The following PLCH2 variants were observed in gnomAD, a reference collection of about 807,000 sequenced individuals.
The protein encoded by PLCH2 is phospholipase C eta 2.
A neutral mutation model predicts 134.7 loss-of-function variants in PLCH2; 98 were observed. The observed-to-expected ratio is 0.73, with a 90% CI of 0.62 to 0.86. The LOEUF (loss-of-function observed/expected upper bound fraction) is 0.86, where lower values mean the gene tolerates loss of function less well. PLCH2 is among the 40% of genes least tolerant of loss of function. The pLI, the probability that PLCH2 is intolerant of heterozygous loss-of-function variation, is 0.00. For missense variants in PLCH2, 1,994 were observed against 1,986.6 expected, an observed-to-expected ratio of 1.00 and a Z score of -0.07; for synonymous variants, 974 against 827.5, an observed-to-expected ratio of 1.18 and a Z score of -3.04.
At chr1:2,489,094 T>C in intron 8 of PLCH2, 113 bp from the exon 9 acceptor site, 1 of 967,742 alleles carries the variant, frequency 1.0e-6, no homozygotes, top group South Asian at 1.6e-5. Flanking sequence ...GGGTTCCTGG[T>C]GAAGACCCCT....
At chr1:2,421,807 C>G (rs546402741), upstream of PLCH2, among the ~76,000 whole-genome samples, 4 of 150,756 alleles carry the variant, frequency 2.7e-5, no homozygotes, top group Admixed American at 1.3e-4. Flanking sequence ...AACCCCGTCT[C>G]TACTAAAAAT....
chr1:2,504,158 G>A lies in PLCH2; in HGVS notation c.3196G>A (p.Gly1066Arg), dbSNP rs981617833. ...GCCGTGCAACGGCGAGGGCGCCGGC[G>A]GGGCATACGAGAGGGCCCCCGGCAG... ...PRPCNGEGAGGAYERAPGSQT... is the reference protein window; with the variant it reads ...PRPCNGEGAGRAYERAPGSQT... Residue 1066 changes from glycine (G) to arginine (R), a missense_variant, in exon 22 of 22, where the codon GGG (glycine) becomes AGG (arginine). This residue lies in a region of PLCH2 where 900 missense variants were observed against 752.3 expected (regional missense o/e 1.20). Transcript: ENST00000378486. The A allele has an allele frequency of 1.7e-5, 26 of 1,525,406 alleles. No individual in the cohort carries two copies. In the Admixed American group the frequency reaches 1.8e-4, roughly 11 times the overall value. 94.5% of individuals were successfully genotyped at this position (1,525,406 alleles called of 1,614,324 possible). A position where few individuals can be genotyped will look rare whatever the true frequency, so the allele number is the denominator to read the frequency against.
intron 2 of PLCH2, 56 bp from the exon 3 acceptor site, chr1:2,479,678 G>T: frequency 3.3e-6 from 5 of 1,495,272 alleles, no homozygotes; most frequent in Non-Finnish European, 3.6e-6. Context: ...GGGGCTGCCA[G>T]CAGGGGGACG....
At chr1:2,441,335 C>G (rs1639683594) in intron 2 of PLCH2, among the ~76,000 whole-genome samples, 1 of 152,208 alleles carries the variant, frequency 6.6e-6, no homozygotes, top group Non-Finnish European at 1.5e-5. Flanking sequence ...TCGCATCCGG[C>G]CTGGGTTTGG....
rs552108949 is a variant in PLCH2 at position 2,437,172 on chromosome 1, G to A, written c.115+6543G>A. On this transcript the variant is annotated intron_variant, in intron 2 of 3. Coordinates refer to the PLCH2 transcript ENST00000609981. Reference sequence around the variant, plus strand: ...AGCAGCAAGGCCACAGCAGGTCCCCGGGTCATGGAGGGCTTGGCTGGGAGG... The same window carrying A: ...AGCAGCAAGGCCACAGCAGGTCCCCAGGTCATGGAGGGCTTGGCTGGGAGG... 2.2e-3 allele frequency among the ~76,000 whole-genome samples: 332 copies of A among 152,326 alleles called. 5 individuals carry two copies. The highest frequency in any genetic ancestry group is 7.5e-3 in the African/African-American group (310 of 41,580).
At position 2,491,245 on chromosome 1, in the gene PLCH2, C is replaced by T; in HGVS notation, c.1569C>T (p.Ser523=). ...VENTAKRKLD[S]LIKESKIRDC... ...ACACTGCTAAGAGGAAACTGGATTC[C>T]CTCATCAAAGAGTCGAAGATTCGGG... Residue 523 remains serine (S), a synonymous_variant, in exon 11 of 22, where the codon TCC becomes TCT. Transcript: ENST00000378486. The T allele has an allele frequency of 1.9e-6, 3 of 1,613,280 alleles. No individual in the cohort carries two copies. Among genetic ancestry groups the T allele is most frequent in the East Asian group, 2.2e-5 (1 of 44,882 alleles).
chr1:2,459,879 G>A (rs952663097), intron 2 of PLCH2, among the ~76,000 whole-genome samples: 7 of 152,268 alleles, frequency 4.6e-5, no homozygotes, highest in Admixed American at 1.3e-4. Flanking sequence ...TCTGCTCAGC[G>A]CCTCATGGTG....
chr1:2,491,786 C>T (rs1322984511), intron 11 of PLCH2, among the ~76,000 whole-genome samples: 1 of 152,162 alleles, frequency 6.6e-6, no homozygotes, highest in African/African-American at 2.4e-5. Context: ...CGGTGGATCC[C>T]GCAGTCCTGC....
In PLCH2 at chr1:2,448,508, G is replaced by C. The variant is rs562198908; in HGVS notation, c.115+17879G>C. Among the ~76,000 whole-genome samples the C allele has an allele frequency of 6.6e-6, 1 of 152,144 alleles. No homozygotes were observed. The highest frequency in any genetic ancestry group is 2.1e-4 in the South Asian group (1 of 4,826). On this transcript the variant is annotated intron_variant, in intron 2 of 3. Coordinates refer to the PLCH2 transcript ENST00000609981. The surrounding 1 kb of genome is among the most constrained non-coding windows in gnomAD (Gnocchi z 4.0). ...CTGGGTCATTCGGGACGATCTCCTC[G>C]GCGCAGGCCTTTCACTGAGCACGCC... is the stretch of plus-strand genomic sequence containing the variant.
intron 2 of PLCH2, among the ~76,000 whole-genome samples, chr1:2,454,504 T>C (rs1640392889): frequency 6.6e-6 from 1 of 152,172 alleles, no homozygotes; most frequent in Non-Finnish European, 1.5e-5. Context: ...ATGGACCTGC[T>C]ACTCCCCAGG....
chr1:2,441,212 C>T (rs1639677113), intron 2 of PLCH2, among the ~76,000 whole-genome samples: 1 of 152,184 alleles, frequency 6.6e-6, no homozygotes, highest in Non-Finnish European at 1.5e-5. Flanking sequence ...TGGAGAGAGC[C>T]CCCCTGGCAG....
chr1:2,478,349 G>C, intron 1 of PLCH2, 127 bp from the exon 2 acceptor site: 1 of 1,181,724 alleles, frequency 8.5e-7, no homozygotes, highest in Non-Finnish European at 1.2e-6. Context: ...GAGGTGAGGA[G>C]TGGCCGTGCC....
chr1:2,461,627 A>G (rs1392127399), intron 2 of PLCH2, among the ~76,000 whole-genome samples: 2 of 152,202 alleles, frequency 1.3e-5, no homozygotes, highest in Non-Finnish European at 1.5e-5. Context: ...CACTGTGGGG[A>G]CAGTGACGCC....
upstream of PLCH2, among the ~76,000 whole-genome samples, chr1:2,463,008 A>T (rs1192965557): frequency 1.3e-5 from 2 of 152,168 alleles, no homozygotes; most frequent in Admixed American, 6.5e-5. Context: ...GAAATGTCTG[A>T]GGTATGGGCT....
intron 1 of PLCH2, among the ~76,000 whole-genome samples, chr1:2,428,711 C>G (rs1468743237): frequency 6.6e-6 from 1 of 152,242 alleles, no homozygotes; most frequent in South Asian, 2.1e-4. Flanking sequence ...AGGAACCTGC[C>G]GGTCTCCGGC....
intron 20 of PLCH2, chr1:2,499,926 A>C: frequency 8.2e-6 from 5 of 608,486 alleles, no homozygotes; most frequent in Non-Finnish European, 1.2e-5. Context: ...CTCTGATCTC[A>C]GGGCTGGCTT....
chr1:2,462,086 A>ACCCTCCACCTGACACC (rs1380683040), intron 2 of PLCH2, among the ~76,000 whole-genome samples: 1 of 87,340 alleles, frequency 1.1e-5, no homozygotes, highest in Admixed American at 1.2e-4. Flanking sequence ...CCGCTTGACA[A>ACCCTCCACCTGACACC]CCCTCCACCT....
the PLCH2 span, among the ~76,000 whole-genome samples, chr1:2,415,955 G>A: frequency 2.6e-5 from 4 of 152,378 alleles, no homozygotes; most frequent in South Asian, 8.3e-4. Flanking sequence ...ACCCAGTTCC[G>A]GTGCTGTGGG....
Position 2,428,720 on chromosome 1 carries a change from G to A in PLCH2, c.-177-1618G>A, listed in dbSNP as rs10910074. On this transcript the variant is annotated intron_variant, in intron 1 of 3. Coordinates refer to the PLCH2 transcript ENST00000609981. ...CTGCTCAGGAACCTGCCGGTCTCCG[G>A]CTGGGACGGTGGCTGGATCAGCTCA... 8.3e-3 allele frequency among the ~76,000 whole-genome samples: 1,262 copies of A among 152,380 alleles called. 35 individuals carry two copies. The highest frequency in any genetic ancestry group is 0.055 in the East Asian group (287 of 5,186).
Sources: gnomAD v4.1 joint callset for allele counts (sites outside exome capture counted in the v4.1 genomes callset) on GRCh38, gnomAD v4.1.1 for gene constraint, gnomAD v4.1.1 regional missense constraint, Gnocchi (gnomAD v3.1) non-coding constraint, MANE v1.5 for transcripts, NCBI Gene and HGNC (gene_info 2026-07-23, HGNC 2026-07-21) for gene names.